The following ADGRL3 variants were observed in gnomAD, a reference collection of about 807,000 sequenced individuals.
The protein encoded by ADGRL3 is adhesion G protein-coupled receptor L3, also known as calcium-independent alpha-latrotoxin receptor 3.
A neutral mutation model predicts 153.5 loss-of-function variants in ADGRL3; 62 were observed. The observed-to-expected ratio is 0.40, with a 90% confidence interval of 0.33 to 0.50. The LOEUF is 0.50. Among genes scored for constraint, ADGRL3 ranks in the 20% least tolerant of loss-of-function variants. ADGRL3 has a pLI of 0.47. For missense variants in ADGRL3, 1,641 were observed against 1,859.4 expected (o/e 0.88, Z 2.16); for synonymous variants, 710 against 672.5 (o/e 1.06, Z -0.86).
chr4:61,364,407 A>T (rs2151557312), intron 1 of ADGRL3, among the ~76,000 whole-genome samples: 1 of 151,964 alleles, frequency 6.6e-6, no homozygotes, highest in Non-Finnish European at 1.5e-5. Flanking sequence ...ATATGTCGTG[A>T]TTTATAAAAA....
At chr4:61,788,144 C>A (rs1580826733) in intron 8 of ADGRL3, among the ~76,000 whole-genome samples, 1 of 152,248 alleles carries the variant, frequency 6.6e-6, no homozygotes, top group Non-Finnish European at 1.5e-5. Flanking sequence ...AAGGAGAAAA[C>A]AACAGCTAAC....
At chr4:62,066,213 T>C (rs552971158) in intron 25 of ADGRL3, among the ~76,000 whole-genome samples, 4 of 152,198 alleles carry the variant, frequency 2.6e-5, no homozygotes, top group African/African-American at 7.2e-5. Context: ...AATGCACTTA[T>C]ATTCTTACTG....
intron 21 of ADGRL3, among the ~76,000 whole-genome samples, 187 bp from the exon 22 acceptor site, chr4:62,028,668 A>G (rs536600110): frequency 6.6e-6 from 1 of 151,770 alleles, no homozygotes; most frequent in South Asian, 2.1e-4. Context: ...AATTGCTTTT[A>G]TTTCTTGTTA....
intron 1 of ADGRL3, among the ~76,000 whole-genome samples, chr4:61,352,853 A>G (rs1240319792): frequency 6.6e-6 from 1 of 152,168 alleles, no homozygotes; most frequent in Non-Finnish European, 1.5e-5. Context: ...TTTTTCCATT[A>G]CTTTCAGTGG....
chr4:62,059,054 A>G (rs560016515), intron 25 of ADGRL3, among the ~76,000 whole-genome samples: 1 of 152,320 alleles, frequency 6.6e-6, no homozygotes, highest in East Asian at 1.9e-4. Flanking sequence ...TTTTCAGCAC[A>G]GTCAGTGCTA....
chr4:61,612,380 T>C (rs1354545394), intron 5 of ADGRL3, among the ~76,000 whole-genome samples: 2 of 152,074 alleles, frequency 1.3e-5, no homozygotes, highest in African/African-American at 4.8e-5. Flanking sequence ...CCAGAAACAA[T>C]AGTCAAAGGC....
chr4:61,939,052 T>G (rs1468048744), intron 15 of ADGRL3, among the ~76,000 whole-genome samples: 2 of 151,714 alleles, frequency 1.3e-5, no homozygotes, highest in East Asian at 3.9e-4. Flanking sequence ...AATAATACAA[T>G]TTGAAAAAGT....
At chr4:61,329,146 G>A (rs2095522328) in intron 1 of ADGRL3, among the ~76,000 whole-genome samples, 1 of 152,110 alleles carries the variant, frequency 6.6e-6, no homozygotes, top group Admixed American at 6.6e-5. Flanking sequence ...ATGAAAGGAT[G>A]CGTATTTAAA....
chr4:62,024,795 T>G (rs1717406716), intron 21 of ADGRL3, among the ~76,000 whole-genome samples: 1 of 151,788 alleles, frequency 6.6e-6, no homozygotes, highest in South Asian at 2.1e-4. Context: ...CCTGGTGTGG[T>G]GGTATGCGCC....
At chr4:61,925,562 G>T (rs1429635325) in intron 13 of ADGRL3, among the ~76,000 whole-genome samples, 1 of 152,098 alleles carries the variant, frequency 6.6e-6, no homozygotes, top group Non-Finnish European at 1.5e-5. Context: ...TCTGGGGTGG[G>T]CTCTGAGAGA....
chr4:61,322,013 G>T (rs1340412510), intron 1 of ADGRL3, among the ~76,000 whole-genome samples: 1 of 152,150 alleles, frequency 6.6e-6, no homozygotes, highest in South Asian at 2.1e-4. Flanking sequence ...ACCTGAGACT[G>T]GGCAATTTAC....
intron 5 of ADGRL3, among the ~76,000 whole-genome samples, chr4:61,670,429 C>G (rs2094951402): frequency 6.6e-6 from 1 of 151,972 alleles, no homozygotes; most frequent in Non-Finnish European, 1.5e-5. Context: ...TTTTTATATG[C>G]TTCACACACA....
chr4:61,796,017 A>G (rs546590304), intron 8 of ADGRL3, among the ~76,000 whole-genome samples: 2 of 152,070 alleles, frequency 1.3e-5, no homozygotes, highest in South Asian at 2.1e-4. Flanking sequence ...TAATTTTTGT[A>G]TCTTTAGTAG....
intron 8 of ADGRL3, among the ~76,000 whole-genome samples, chr4:61,791,495 G>T (rs1028325327): frequency 4.6e-5 from 7 of 152,138 alleles, no homozygotes; most frequent in Non-Finnish European, 1.0e-4. Flanking sequence ...CCTCCCTCCT[G>T]GCTGCTTTCA....
At chr4:61,506,475 T>C (rs933603128) in intron 3 of ADGRL3, among the ~76,000 whole-genome samples, 1 of 152,120 alleles carries the variant, frequency 6.6e-6, no homozygotes, top group Admixed American at 6.5e-5. Context: ...TATTTAGGAC[T>C]CGCCCACTGG....
At chr4:61,667,857 A>G (rs1561030994) in intron 5 of ADGRL3, among the ~76,000 whole-genome samples, 2 of 152,212 alleles carry the variant, frequency 1.3e-5, no homozygotes, top group South Asian at 4.1e-4. Context: ...ATAAGTGTAC[A>G]TCACAGGAAT....
intron 4 of ADGRL3, among the ~76,000 whole-genome samples, chr4:61,524,397 A>T (rs1484970093): frequency 6.6e-6 from 1 of 152,108 alleles, no homozygotes; most frequent in Non-Finnish European, 1.5e-5. Context: ...TCTTTCTTTC[A>T]TATATACAAT....
intron 5 of ADGRL3, among the ~76,000 whole-genome samples, chr4:61,657,230 C>T (rs1245735106): frequency 6.6e-6 from 1 of 152,038 alleles, no homozygotes; most frequent in Non-Finnish European, 1.5e-5. Context: ...TAAGCTGACG[C>T]AGGTATTGCT....
chr4:61,493,703 G>A (rs769453680), intron 2 of ADGRL3, among the ~76,000 whole-genome samples: 1 of 152,150 alleles, frequency 6.6e-6, no homozygotes, highest in Non-Finnish European at 1.5e-5. Flanking sequence ...TATCCATGCT[G>A]TTCCGGGTTC....
Sources: gnomAD v4.1 joint callset for allele counts (sites outside exome capture counted in the v4.1 genomes callset) on GRCh38, gnomAD v4.1.1 for gene constraint, MANE v1.5 for transcripts, NCBI Gene and HGNC (gene_info 2026-07-23, HGNC 2026-07-21) for gene names.